The following DERA variants were observed in gnomAD, a reference collection of about 807,000 sequenced individuals.
The protein encoded by DERA is 2-deoxy-D-ribose 5-phosphate aldolase.
In DERA, 15 loss-of-function variants were observed where a neutral mutation model predicts 41.1. The ratio of observed to expected loss-of-function variants is 0.37; its 90% CI spans 0.24 to 0.56. The LOEUF is 0.56. Among genes scored for constraint, DERA ranks in the 20% least tolerant of loss-of-function variants. The probability of loss-of-function intolerance (pLI) is 0.81; values close to 1 mark genes in which losing one functional copy is unlikely to be tolerated. For missense variants in DERA, 396 were observed against 403.4 expected (o/e 0.98, Z 0.16); for synonymous variants, 139 against 137.4 (o/e 1.01, Z -0.08).
At position 15,965,983 on chromosome 12, in the gene DERA, T is replaced by C. The variant is rs1948619864; in HGVS notation, c.508+3036T>C. On this transcript the variant is annotated intron_variant, in intron 5 of 8. Transcript: ENST00000428559. This position sits in a 1 kb window ranked among gnomAD's most constrained non-coding sequence, Gnocchi z 4.1. ...CTCATTCCCATTAAGCATTTAGACA[T>C]ACTCAAGCTTTTCTTAGCCATTTAT... 6.6e-6 allele frequency among the ~76,000 whole-genome samples: 1 copy of C among 152,202 alleles called. No homozygotes were observed. Among genetic ancestry groups the C allele is most frequent in the Admixed American group, 6.5e-5 (1 of 15,286 alleles).
intron 6 of DERA, among the ~76,000 whole-genome samples, chr12:16,023,827 G>T (rs1328265034): frequency 9.2e-5 from 14 of 152,174 alleles, no homozygotes; most frequent in African/African-American, 2.9e-4. Context: ...TTCAGATATG[G>T]CATAGATTTG....
intron 1 of DERA, among the ~76,000 whole-genome samples, chr12:15,923,794 C>T (rs1378013193): frequency 6.6e-6 from 1 of 151,622 alleles, no homozygotes; most frequent in African/African-American, 2.4e-5. Context: ...ATCTGAATCA[C>T]AATGGTGGCT....
rs1472046154 is a variant in DERA at position 15,990,134 on chromosome 12, G to T, written c.637+7698G>T. Among the ~76,000 whole-genome samples the T allele has an allele frequency of 1.3e-5, 2 of 152,118 alleles. No individual in the cohort carries two copies. The highest frequency in any genetic ancestry group is 2.9e-5 in the Non-Finnish European group (2 of 68,008). On this transcript the variant is annotated intron_variant, in intron 6 of 8. Coordinates refer to ENST00000428559, the MANE Select transcript of DERA (RefSeq NM_015954.4). This position sits in a 1 kb window ranked among gnomAD's most constrained non-coding sequence, Gnocchi z 4.3. ...ACGTCAATAAGAAAGGAAACATAATGAAATCTTTTTTTTTCTATACTCTTT... is the reference window on the plus strand; with the variant it reads ...ACGTCAATAAGAAAGGAAACATAATTAAATCTTTTTTTTTCTATACTCTTT...
chr12:15,954,013 C>A lies in DERA; in HGVS notation c.32-2923C>A, dbSNP rs1948518549. 1.3e-5 allele frequency among the ~76,000 whole-genome samples: 2 copies of A among 152,118 alleles called. No homozygotes were observed. The highest frequency in any genetic ancestry group is 4.8e-5 in the African/African-American group (2 of 41,408). ...AGGCTGATACTGTGAGAGAAGAAAT[C>A]CTATTACATTCTCCAGTAGATGGTT... is the stretch of plus-strand genomic sequence containing the variant. On this transcript the variant is annotated intron_variant, in intron 1 of 8. Coordinates refer to ENST00000428559, the MANE Select transcript of DERA (RefSeq NM_015954.4). The surrounding 1 kb of genome is among the most constrained non-coding windows in gnomAD (Gnocchi z 4.0).
Position 16,026,614 on chromosome 12 carries a change from C to A in DERA, c.638-5928C>A, listed in dbSNP as rs4764241. On this transcript the variant is annotated intron_variant, in intron 6 of 8. Transcript: ENST00000428559. This position sits in a 1 kb window ranked among gnomAD's most constrained non-coding sequence, Gnocchi z 4.4. Reference sequence around the variant, plus strand: ...TTTACACATTTATGTAAATATATAACATATTTTAATTATATAAAATTATTT... The same window carrying A: ...TTTACACATTTATGTAAATATATAAAATATTTTAATTATATAAAATTATTT... 0.75 allele frequency among the ~76,000 whole-genome samples: 112,415 copies of A among 149,418 alleles called. 44,566 individuals carry two copies. The highest frequency in any genetic ancestry group is 0.88 in the Non-Finnish European group (58,981 of 67,340).
chr12:16,031,012 C>A (rs772735225), intron 6 of DERA, among the ~76,000 whole-genome samples: 1 of 152,232 alleles, frequency 6.6e-6, no homozygotes, highest in African/African-American at 2.4e-5. Flanking sequence ...TGCTTCATTT[C>A]TCTTTGTATA....
rs760005425 is a variant in DERA, at chr12:16,036,220, C to T, written c.751-12C>T. ...CAATAAAGATTGTTCTATTCTCTGC[C>T]TTCCCATTTAGATAGGGTTTAAACC... On this transcript the variant is annotated splice_polypyrimidine_tract_variant and intron_variant, in intron 7 of 8. Transcript: ENST00000428559. This position sits in a 1 kb window ranked among gnomAD's most constrained non-coding sequence, Gnocchi z 4.9. The T allele has an allele frequency of 1.9e-6, 3 of 1,588,496 alleles. No homozygotes were observed. The Admixed American group carries it at 5.5e-5, about 29-fold the overall frequency.
intron 6 of DERA, among the ~76,000 whole-genome samples, chr12:16,007,236 C>T (rs561859713): frequency 6.8e-5 from 10 of 146,004 alleles, no homozygotes; most frequent in African/African-American, 1.0e-4. Flanking sequence ...CAGGCTGAAG[C>T]GCAGTGGCGC....
intron 5 of DERA, among the ~76,000 whole-genome samples, chr12:15,974,217 C>A (rs1162486523): frequency 1.3e-4 from 20 of 152,146 alleles, no homozygotes; most frequent in Admixed American, 1.3e-3. Context: ...AGCCACAGTA[C>A]TGCATCAAAA....
rs1948742363 is a variant in DERA, at chr12:15,982,908, C to T, written c.637+472C>T. Among the ~76,000 whole-genome samples the T allele has an allele frequency of 6.6e-6, 1 of 152,152 alleles. No individual in the cohort carries two copies. Among genetic ancestry groups the T allele is most frequent in the African/African-American group, 2.4e-5 (1 of 41,428 alleles). On this transcript the variant is annotated intron_variant, in intron 6 of 8. Coordinates refer to ENST00000428559, the MANE Select transcript of DERA (RefSeq NM_015954.4). This position sits in a 1 kb window ranked among gnomAD's most constrained non-coding sequence, Gnocchi z 4.0. ...TTTTATACTTTCAAATATAAGTTGA[C>T]TTATTCTTTATCTCTGTGAACAGCA...
chr12:16,004,347 C>T lies in DERA; in HGVS notation c.637+21911C>T, dbSNP rs1294407926. 6.7e-6 allele frequency among the ~76,000 whole-genome samples: 1 copy of T among 149,670 alleles called. No individual in the cohort carries two copies. The highest frequency in any genetic ancestry group is 6.6e-5 in the Admixed American group (1 of 15,192). On this transcript the variant is annotated intron_variant, in intron 6 of 8. Transcript: ENST00000428559. This position sits in a 1 kb window ranked among gnomAD's most constrained non-coding sequence, Gnocchi z 4.2. ...CTACATAAAGCAAAAGGAACCACTG[C>T]AGAAAAGAAAAGAAAAACCCAACTC...
rs1948988265 is a variant in DERA at position 16,017,127 on chromosome 12, T to C, written c.638-15415T>C. On this transcript the variant is annotated intron_variant, in intron 6 of 8. Coordinates refer to ENST00000428559, the MANE Select transcript of DERA (RefSeq NM_015954.4). The surrounding 1 kb of genome is among the most constrained non-coding windows in gnomAD (Gnocchi z 5.5). ...TAAATCATACTGTTTTGCATTATTTTAAATGGTTGCAACTTTATTTTTATT... is the reference window on the plus strand; with the variant it reads ...TAAATCATACTGTTTTGCATTATTTCAAATGGTTGCAACTTTATTTTTATT... 6.6e-6 allele frequency among the ~76,000 whole-genome samples: 1 copy of C among 152,220 alleles called. No individual in the cohort carries two copies. Among genetic ancestry groups the C allele is most frequent in the Non-Finnish European group, 1.5e-5 (1 of 68,044 alleles).
In DERA at chr12:16,035,672, G is replaced by GA. The variant is rs1157304801; in HGVS notation, c.751-552dup. On this transcript the variant is annotated intron_variant, in intron 7 of 8. Coordinates refer to ENST00000428559, the MANE Select transcript of DERA (RefSeq NM_015954.4). This position sits in a 1 kb window ranked among gnomAD's most constrained non-coding sequence, Gnocchi z 4.1. Reference sequence around the variant, plus strand: ...TAGAACTGTGTGTGCCTGCAACTTAGAAAAAAAATCCCACAGTTAAATTGG... The same window carrying GA: ...TAGAACTGTGTGTGCCTGCAACTTAGAAAAAAAAATCCCACAGTTAAATTGG... 6.6e-6 allele frequency among the ~76,000 whole-genome samples: 1 copy of GA among 151,912 alleles called. No individual in the cohort carries two copies. The highest frequency in any genetic ancestry group is 2.4e-5 in the African/African-American group (1 of 41,364).
At chr12:15,987,230 C>A (rs1211008075) in intron 6 of DERA, among the ~76,000 whole-genome samples, 1 of 85,350 alleles carries the variant, frequency 1.2e-5, no homozygotes, top group African/African-American at 4.5e-5. Context: ...TATATATGTA[C>A]TTTTTTTTTT....
intron 1 of DERA, among the ~76,000 whole-genome samples, chr12:15,923,017 CTTTTT>C (rs1208644862): frequency 9.6e-6 from 1 of 104,424 alleles, no homozygotes; most frequent in African/African-American, 3.6e-5. Flanking sequence ...TTTGTTTTTG[CTTTTT>C]TTTTTTTTTT....
At position 15,918,697 on chromosome 12, in the gene DERA, C is replaced by T. The variant is rs1948219093; in HGVS notation, c.31+7283C>T. Among the ~76,000 whole-genome samples, 1 of 152,080 alleles carries T rather than the reference C, an allele frequency of 6.6e-6. No individual in the cohort carries two copies. The highest frequency in any genetic ancestry group is 2.1e-4 in the South Asian group (1 of 4,830). On this transcript the variant is annotated intron_variant, in intron 1 of 8. Coordinates refer to ENST00000428559, the MANE Select transcript of DERA (RefSeq NM_015954.4). The surrounding 1 kb of genome is among the most constrained non-coding windows in gnomAD (Gnocchi z 4.3). ...TGAGCCTGACTTGGTCTCTGCTTTC[C>T]CAGAGCTCACAGGCAACTAAGGGAG...
chr12:16,032,296 T>C lies in DERA; in HGVS notation c.638-246T>C, dbSNP rs150600127. On this transcript the variant is annotated intron_variant, in intron 6 of 8. Transcript: ENST00000428559. ...GATTTTAATTGGCATTGTGGAAATA[T>C]GGAGGCAAGAGTATCAGAGGTCAGT... is the stretch of plus-strand genomic sequence containing the variant. Among the ~76,000 whole-genome samples the C allele has an allele frequency of 4.1e-4, 63 of 152,328 alleles. 1 individual carries two copies. The highest frequency in any genetic ancestry group is 1.4e-3 in the African/African-American group (60 of 41,576).
At chr12:15,971,680 C>G (rs1245917748) in intron 5 of DERA, among the ~76,000 whole-genome samples, 1 of 151,974 alleles carries the variant, frequency 6.6e-6, no homozygotes, top group Non-Finnish European at 1.5e-5. Context: ...CCATGCCCAG[C>G]TAATTTTTTG....
rs1210275296 is a variant in DERA, at chr12:15,999,474, CAT to C, written c.637+17040_637+17041del. 6.6e-6 allele frequency among the ~76,000 whole-genome samples: 1 copy of C among 152,150 alleles called. No individual in the cohort carries two copies. Among genetic ancestry groups the C allele is most frequent in the Non-Finnish European group, 1.5e-5 (1 of 68,034 alleles). On this transcript the variant is annotated intron_variant, in intron 6 of 8. Coordinates refer to ENST00000428559, the MANE Select transcript of DERA (RefSeq NM_015954.4). This position sits in a 1 kb window ranked among gnomAD's most constrained non-coding sequence, Gnocchi z 5.3. The stretch of plus-strand genomic sequence containing the variant: ...CACAGCTGACCTTCTCTGGAGGAGT[CAT>C]AGAAGAATTCACAAAGCAAGTGGCA...
Sources: allele counts gnomAD v4.1 joint callset (sites outside exome capture counted in the v4.1 genomes callset), GRCh38; gene constraint gnomAD v4.1.1; non-coding constraint Gnocchi (gnomAD v3.1); transcripts MANE v1.5; gene names NCBI Gene and HGNC (gene_info 2026-07-23, HGNC 2026-07-21).